PRDM6: variants seen among roughly 807,000 people sequenced by gnomAD.
PRDM6 encodes the protein PR/SET domain 6.
Under a neutral mutation model 60.8 loss-of-function variants are expected in PRDM6, and 25 were observed. That is an observed-to-expected ratio of 0.41 (90% CI 0.30 to 0.57). PRDM6 has a LOEUF of 0.57. Among genes scored for constraint, PRDM6 ranks in the 20% least tolerant of loss-of-function variants. The pLI, the probability that PRDM6 is intolerant of heterozygous loss-of-function variation, is 0.27. For missense variants in PRDM6, 839 were observed against 821.3 expected, an observed-to-expected ratio of 1.02 and a Z score of -0.26; for synonymous variants, 407 against 357.4, an observed-to-expected ratio of 1.14 and a Z score of -1.57.
chr5:123,096,117 A>G (rs1763951762), intron 2 of PRDM6, among the ~76,000 whole-genome samples: 1 of 202 alleles, frequency 5.0e-3, no homozygotes, highest in Non-Finnish European at 0.015. Flanking sequence ...GCATTGACAG[A>G]TTTACTCAAG....
chr5:123,122,129 C>CTCCAG lies in PRDM6; in HGVS notation c.900+22169_900+22173dup, dbSNP rs576155328. On this transcript the variant is annotated intron_variant, in intron 3 of 7. Transcript: ENST00000407847. The stretch of plus-strand genomic sequence containing the variant: ...AGTGAGCCGAGATCCCACCATTGCA[C>CTCCAG]TCCAGCCTGGGCGACAGTGCGAGAC... Among the ~76,000 whole-genome samples, 105 of 146,494 alleles carry CTCCAG rather than the reference C, an allele frequency of 7.2e-4. 2 individuals carry two copies. The highest frequency in any genetic ancestry group is 2.6e-3 in the African/African-American group (102 of 39,220).
Position 123,132,652 on chromosome 5 carries a change from A to G in PRDM6, c.901-23232A>G, listed in dbSNP as rs141558214. On this transcript the variant is annotated intron_variant, in intron 3 of 7. Coordinates refer to ENST00000407847, the MANE Select transcript of PRDM6 (RefSeq NM_001136239.4). ...AGACTCAAAAAAGTGTGCCTACACA[A>G]GATAATTTCCAAGTATGATTTCTAA... 3.7e-3 allele frequency among the ~76,000 whole-genome samples: 558 copies of G among 152,304 alleles called. 4 individuals carry two copies. The highest frequency in any genetic ancestry group is 0.013 in the African/African-American group (523 of 41,560).
At chr5:123,163,385 G>A (rs1416786209) in intron 5 of PRDM6, among the ~76,000 whole-genome samples, 3 of 152,134 alleles carry the variant, frequency 2.0e-5, no homozygotes, top group Non-Finnish European at 2.9e-5. Flanking sequence ...GAGAGTGTGC[G>A]GTGGGTTTGG....
intron 2 of PRDM6, among the ~76,000 whole-genome samples, chr5:123,097,338 T>C (rs980432358): frequency 1.3e-5 from 2 of 152,120 alleles, no homozygotes; most frequent in Non-Finnish European, 2.9e-5. Context: ...TTCAATTGAG[T>C]CATGAGTTTG....
At chr5:123,185,511 A>T (rs1766266678) in intron 7 of PRDM6, among the ~76,000 whole-genome samples, 1 of 152,198 alleles carries the variant, frequency 6.6e-6, no homozygotes, top group Non-Finnish European at 1.5e-5. Context: ...TCATTAGGTG[A>T]TCAATACTTC....
intron 6 of PRDM6, among the ~76,000 whole-genome samples, chr5:123,172,799 T>C (rs1309222799): frequency 6.6e-6 from 1 of 152,218 alleles, no homozygotes; most frequent in Non-Finnish European, 1.5e-5. Context: ...GAAGATGAGA[T>C]GAGTTTATGC....
At position 123,090,058 on chromosome 5, in the gene PRDM6, T is replaced by C; in HGVS notation, c.44T>C (p.Val15Ala). 1 of 1,548,360 alleles carries C rather than the reference T, an allele frequency of 6.5e-7. No homozygotes were observed. Residue 15 changes from valine to alanine, a missense_variant, in exon 2 of 8, where the codon GTG becomes GCG. Coordinates refer to ENST00000407847, the MANE Select transcript of PRDM6 (RefSeq NM_001136239.4). ...CCCGGCGGTTCGGCCTTCCTCAAAG[T>C]GGACCCAGCCTACCTGCAGCACTGG... ...GDPGGSAFLK[V>A]DPAYLQHWQQ...
chr5:123,117,313 G>A (rs1048771054), intron 3 of PRDM6, among the ~76,000 whole-genome samples: 1 of 152,166 alleles, frequency 6.6e-6, no homozygotes, highest in African/African-American at 2.4e-5. Flanking sequence ...CCATACCCAG[G>A]TTATCTCTAC....
chr5:123,178,325 T>C (rs182317447), intron 6 of PRDM6, among the ~76,000 whole-genome samples: 23 of 152,310 alleles, frequency 1.5e-4, no homozygotes, highest in African/African-American at 5.3e-4. Flanking sequence ...AAATCAATTG[T>C]CAGTGAATAT....
chr5:123,124,367 G>C (rs2150219585), intron 3 of PRDM6, among the ~76,000 whole-genome samples: 1 of 152,302 alleles, frequency 6.6e-6, no homozygotes, highest in East Asian at 1.9e-4. Flanking sequence ...GTGCTGATCA[G>C]ACACACTTCA....
chr5:123,093,484 G>A (rs1419853652), intron 2 of PRDM6, among the ~76,000 whole-genome samples: 2 of 152,154 alleles, frequency 1.3e-5, no homozygotes, highest in East Asian at 1.9e-4. Flanking sequence ...CAAGCTACCC[G>A]GGTGAGCTTT....
chr5:123,172,784 G>A (rs983091645), intron 6 of PRDM6, among the ~76,000 whole-genome samples: 2 of 152,188 alleles, frequency 1.3e-5, no homozygotes, highest in Non-Finnish European at 2.9e-5. Context: ...TAAAAGTTTA[G>A]CTTTGAAGAT....
At chr5:123,183,625 A>C (rs577181667) in intron 7 of PRDM6, among the ~76,000 whole-genome samples, 10 of 152,336 alleles carry the variant, frequency 6.6e-5, no homozygotes, top group African/African-American at 1.9e-4. Flanking sequence ...TTGGAGGATC[A>C]CATTGAAGGT....
At chr5:123,159,949 G>A (rs1336416682) in intron 5 of PRDM6, among the ~76,000 whole-genome samples, 13 of 152,166 alleles carry the variant, frequency 8.5e-5, no homozygotes, top group Admixed American at 8.5e-4. Context: ...TTCTATGCTT[G>A]CCACCTTAGG....
At position 123,099,945 on chromosome 5, in the gene PRDM6, C is replaced by T; in HGVS notation, c.884C>T (p.Thr295Met). Residue 295 changes from threonine (T) to methionine (M), a missense_variant, in exon 3 of 8, where the codon ACG (threonine) becomes ATG (methionine). By Grantham distance (81) the Thr-to-Met change is moderately conservative. Around this residue, in one of 2 missense-constraint regions of PRDM6, gnomAD observed 730 missense variants for 648.8 expected, o/e 1.13. Transcript: ENST00000407847. This position sits in a 1 kb window ranked among gnomAD's most constrained non-coding sequence, Gnocchi z 4.0. Reference protein sequence around the residue: ...EKVQAGAVRNTQHLWEIYDQD... With the variant: ...EKVQAGAVRNMQHLWEIYDQD... ...GTGCAGGCAGGCGCCGTGAGGAACA[C>T]GCAGCATCTCTGGGAGGTAAGTGGC... 1 of 1,525,856 alleles carries T rather than the reference C, an allele frequency of 6.6e-7. No homozygotes were observed. 94.5% of individuals were successfully genotyped at this position (1,525,856 alleles called of 1,614,324 possible).
chr5:123,176,154 G>A (rs1029298172), intron 6 of PRDM6, among the ~76,000 whole-genome samples: 4 of 151,554 alleles, frequency 2.6e-5, no homozygotes, highest in African/African-American at 2.4e-5. Flanking sequence ...TTTCTCAGGC[G>A]CACTAGCCAC....
chr5:123,124,158 G>A (rs961521780), intron 3 of PRDM6, among the ~76,000 whole-genome samples: 33 of 152,082 alleles, frequency 2.2e-4, no homozygotes, highest in Admixed American at 7.9e-4. Flanking sequence ...TTGTGCTGCC[G>A]TTGTCCTGCA....
At chr5:123,144,249 A>G (rs1369090341) in intron 3 of PRDM6, among the ~76,000 whole-genome samples, 1 of 152,204 alleles carries the variant, frequency 6.6e-6, no homozygotes, top group Admixed American at 6.5e-5. Flanking sequence ...GGACTAACAC[A>G]GCCATCTATG....
chr5:123,164,921 G>A (rs958038624), intron 5 of PRDM6, among the ~76,000 whole-genome samples: 1 of 152,056 alleles, frequency 6.6e-6, no homozygotes, highest in African/African-American at 2.4e-5. Context: ...TGGTCAATGT[G>A]GGGTGTATAA....
Sources: allele counts gnomAD v4.1 joint callset (sites outside exome capture counted in the v4.1 genomes callset), GRCh38; gene constraint gnomAD v4.1.1; regional missense constraint gnomAD v4.1.1; non-coding constraint Gnocchi (gnomAD v3.1); transcripts MANE v1.5; gene names NCBI Gene and HGNC (gene_info 2026-07-23, HGNC 2026-07-21).